Variants in LHX9 observed in about 807,000 individuals in gnomAD.
The protein encoded by LHX9 is LIM homeobox 9.
LHX9 carries 9 observed loss-of-function variants against 36.5 expected under a neutral mutation model. That is an observed-to-expected ratio of 0.25 (90% CI 0.15 to 0.43). LHX9 has a LOEUF of 0.43. Ranked by LOEUF, LHX9 falls within the 20% of genes least tolerant of loss-of-function variation. The pLI, the probability that LHX9 is intolerant of heterozygous loss-of-function variation, is 1.00. For synonymous variants in LHX9, 211 were observed against 212.1 expected, an observed-to-expected ratio of 0.99 and a Z score of 0.04; for missense variants, 464 against 526.4, an observed-to-expected ratio of 0.88 and a Z score of 1.16.
At position 197,921,625 on chromosome 1, in the gene LHX9, A is replaced by C; in HGVS notation, c.699A>C (p.Pro233=). ...QKGRPRKRKS[P]ALGVDIVNYN... ...GGCGGCCCCGGAAGCGGAAGAGCCC[A>C]GCGCTGGGAGTGGACATCGTCAATT... Residue 233 remains proline, a synonymous_variant, in exon 3 of 5, where the codon CCA becomes CCC. Coordinates refer to ENST00000367387, the MANE Select transcript of LHX9 (RefSeq NM_020204.3). This position sits in a 1 kb window ranked among gnomAD's most constrained non-coding sequence, Gnocchi z 4.6. 6.3e-7 allele frequency: 1 copy of C among 1,598,438 alleles called. No individual in the cohort carries two copies. The highest frequency in any genetic ancestry group is 1.7e-5 in the Admixed American group (1 of 59,828).
chr1:197,917,613 G>C lies in LHX9; in HGVS notation c.-211G>C, dbSNP rs996380683. ...TTGTTTTCTGCACATCTCCTTCAGG[G>C]AGCCGCTGAGGCTTCCCCCCAACTC... On this transcript the variant is annotated 5_prime_UTR_variant, in exon 1 of 5. Transcript: ENST00000367387. The C allele has an allele frequency of 6.6e-7, 1 of 1,511,650 alleles. No homozygotes were observed. The highest frequency in any genetic ancestry group is 8.8e-7 in the Non-Finnish European group (1 of 1,130,388). The allele number at this position is 1,511,650 out of a possible 1,614,324, so 93.6% of individuals were successfully genotyped here. A position where few individuals can be genotyped will look rare whatever the true frequency, so the allele number is the denominator to read the frequency against.
At chr1:197,913,828 T>A (rs915922925), upstream of LHX9, among the ~76,000 whole-genome samples, 1 of 152,228 alleles carries the variant, frequency 6.6e-6, no homozygotes, top group African/African-American at 2.4e-5. Context: ...CGCAGAATCA[T>A]GGCCTCCAAA....
Position 197,917,606 on chromosome 1 carries a change from C to G in LHX9, c.-218C>G. ...GAATTGTTTGTTTTCTGCACATCTCCTTCAGGGAGCCGCTGAGGCTTCCCC... is the reference window on the plus strand; with the variant it reads ...GAATTGTTTGTTTTCTGCACATCTCGTTCAGGGAGCCGCTGAGGCTTCCCC... On this transcript the variant is annotated 5_prime_UTR_variant, in exon 1 of 5. Transcript: ENST00000367387. 6.6e-7 allele frequency: 1 copy of G among 1,508,898 alleles called. No homozygotes were observed. 93.5% of individuals were successfully genotyped at this position (1,508,898 alleles called of 1,614,324 possible). A position where few individuals can be genotyped will look rare whatever the true frequency, so the allele number is the denominator to read the frequency against.
At chr1:197,914,281 A>T (rs2102587829), upstream of LHX9, among the ~76,000 whole-genome samples, 1 of 152,306 alleles carries the variant, frequency 6.6e-6, no homozygotes, top group Admixed American at 6.5e-5. Context: ...CTTATCCCCG[A>T]CGCAGGCTAG....
chr1:197,929,965 T>C lies in LHX9; in HGVS notation c.*706T>C, dbSNP rs1660281404. On this transcript the variant is annotated 3_prime_UTR_variant, in exon 5 of 5. Coordinates refer to ENST00000367387, the MANE Select transcript of LHX9 (RefSeq NM_020204.3). ...TATTTGTTTTTCAACATTTGAAAAA[T>C]ACTTAAGCTCCCTATGTATCCATGA... The C allele has an allele frequency of 1.0e-6, 1 of 984,374 alleles. No individual in the cohort carries two copies. The highest frequency in any genetic ancestry group is 4.7e-5 in the South Asian group (1 of 21,288). 61.0% of individuals were successfully genotyped at this position (984,374 alleles called of 1,614,324 possible).
In LHX9 at chr1:197,934,111, A is replaced by T. The variant is rs1433100890; in HGVS notation, c.*4852A>T. The T allele has an allele frequency of 2.0e-5, 3 of 152,118 alleles. No homozygotes were observed. The highest frequency in any genetic ancestry group is 3.9e-4 in the East Asian group (2 of 5,172). 9.4% of individuals were successfully genotyped at this position (152,118 alleles called of 1,614,324 possible). A position where few individuals can be genotyped will look rare whatever the true frequency, so the allele number is the denominator to read the frequency against. Reference sequence around the variant, plus strand: ...TTTTGATACCTCAAATAAGGATAAAACTCCATAATAAAGGACCCAAAGCAA... The same window carrying T: ...TTTTGATACCTCAAATAAGGATAAATCTCCATAATAAAGGACCCAAAGCAA... On this transcript the variant is annotated 3_prime_UTR_variant, in exon 5 of 5. Transcript: ENST00000367387.
At chr1:197,923,598 A>G (rs966463816) in intron 3 of LHX9, among the ~76,000 whole-genome samples, 4 of 152,056 alleles carry the variant, frequency 2.6e-5, no homozygotes, top group African/African-American at 9.7e-5. Context: ...AAAGTCCAGA[A>G]GGGTGAAGAT....
rs1660420335 is a variant in LHX9 at position 197,935,150 on chromosome 1, TG to T, written c.*5892del. ...ACTCCCTACTTGCAACATTCCTCTGTGAATATTAATATAGTTAACCCTCCCT... is the reference window on the plus strand; with the variant it reads ...ACTCCCTACTTGCAACATTCCTCTGTAATATTAATATAGTTAACCCTCCCT... On this transcript the variant is annotated 3_prime_UTR_variant, in exon 5 of 5. Coordinates refer to ENST00000367387, the MANE Select transcript of LHX9 (RefSeq NM_020204.3). 1 of 152,204 alleles carries T rather than the reference TG, an allele frequency of 6.6e-6. No individual in the cohort carries two copies. The highest frequency in any genetic ancestry group is 1.5e-5 in the Non-Finnish European group (1 of 68,030). 9.4% of individuals were successfully genotyped at this position (152,204 alleles called of 1,614,324 possible).
chr1:197,928,963 T>C (rs762377144), intron 4 of LHX9, 39 bp from the exon 5 acceptor site: 1 of 1,431,396 alleles, frequency 7.0e-7, no homozygotes, highest in Admixed American at 2.5e-5. Context: ...AATATAAAAA[T>C]GAACATCGGT....
chr1:197,921,182 GT>G lies in LHX9; in HGVS notation c.378-121del, dbSNP rs1420289996. On this transcript the variant is annotated intron_variant, in intron 2 of 4. Coordinates refer to ENST00000367387, the MANE Select transcript of LHX9 (RefSeq NM_020204.3). The surrounding 1 kb of genome is among the most constrained non-coding windows in gnomAD (Gnocchi z 4.6). ...AAATAAAATTAATGCCTACTCTCCT[GT>G]CCCCCTGGAACCCTCCCAGGTCCCA... 1.0e-5 allele frequency: 7 copies of G among 670,510 alleles called. No individual in the cohort carries two copies. The East Asian group carries it at 1.9e-4, about 18-fold the overall frequency. The allele number at this position is 670,510 out of a possible 1,614,324, so 41.5% of individuals were successfully genotyped here.
chr1:197,922,818 T>C (rs922915123), intron 3 of LHX9, among the ~76,000 whole-genome samples: 1 of 152,132 alleles, frequency 6.6e-6, no homozygotes, highest in Admixed American at 6.5e-5. Context: ...ATACCAAGCA[T>C]GGGCATCTCA....
intron 3 of LHX9, 102 bp from the exon 4 acceptor site, chr1:197,927,489 A>C: frequency 1.0e-6 from 1 of 973,832 alleles, no homozygotes; most frequent in Non-Finnish European, 1.6e-6. Flanking sequence ...AACCTTTTTC[A>C]CTGCTGCTTT....
In LHX9 at chr1:197,917,913, C is replaced by A. The variant is rs771927350; in HGVS notation, c.90C>A (p.Ile30=). 10 of 1,614,228 alleles carry A rather than the reference C, an allele frequency of 6.2e-6. No individual in the cohort carries two copies. The East Asian group carries it at 2.2e-4, about 36-fold the overall frequency. Reference sequence around the variant, plus strand: ...TTCACGGGATCTCCGGAGGCCACATCCAAGGCATCATGGAGGAGATGGAGC... The same window carrying A: ...TTCACGGGATCTCCGGAGGCCACATACAAGGCATCATGGAGGAGATGGAGC... ...MLFHGISGGH[I]QGIMEEMERR... is the part of the protein sequence containing the mutation. Residue 30 remains isoleucine (I), a synonymous_variant, in exon 1 of 5, where the codon ATC becomes ATA. Coordinates refer to ENST00000367387, the MANE Select transcript of LHX9 (RefSeq NM_020204.3).
upstream of LHX9, chr1:197,912,512 C>T (rs765021938): frequency 1.2e-6 from 2 of 1,614,030 alleles, no homozygotes; most frequent in Non-Finnish European, 1.7e-6. Context: ...ACGGCGTGAT[C>T]CACTCCTTTT....
upstream of LHX9, chr1:197,917,149 AG>A (rs145506120): frequency 9.8e-3 from 6,430 of 655,860 alleles, 373 homozygotes; most frequent in African/African-American, 0.12. Flanking sequence ...TTTTGTGGGG[AG>A]GTAAATGCCC....
At chr1:197,913,871 G>A (rs1175245089), upstream of LHX9, among the ~76,000 whole-genome samples, 2 of 152,182 alleles carry the variant, frequency 1.3e-5, no homozygotes, top group African/African-American at 4.8e-5. Context: ...AGTCACCTTT[G>A]CTCTCAAAAT....
upstream of LHX9, among the ~76,000 whole-genome samples, chr1:197,914,279 C>T (rs184431489): frequency 6.6e-6 from 1 of 152,264 alleles, no homozygotes; most frequent in African/African-American, 2.4e-5. Context: ...ATCTTATCCC[C>T]GACGCAGGCT....
intron 4 of LHX9, among the ~76,000 whole-genome samples, chr1:197,928,714 C>A (rs1381136497): frequency 6.6e-6 from 1 of 151,854 alleles, no homozygotes; most frequent in African/African-American, 2.4e-5. Context: ...ATGGTATATC[C>A]ACTTAAGCAT....
At position 197,921,415 on chromosome 1, in the gene LHX9, T is replaced by C; in HGVS notation, c.489T>C (p.Thr163=). 1 of 1,614,176 alleles carries C rather than the reference T, an allele frequency of 6.2e-7. No homozygotes were observed. The highest frequency in any genetic ancestry group is 8.5e-7 in the Non-Finnish European group (1 of 1,180,040). ...VYHLSCFTCS[T]CNKTLTTGDH... is the part of the protein sequence containing the mutation. ...ACCTGAGCTGCTTCACCTGCTCCAC[T>C]TGCAACAAGACTCTGACCACGGGCG... Residue 163 remains threonine, a synonymous_variant, in exon 3 of 5, where the codon ACT becomes ACC. Transcript: ENST00000367387. The surrounding 1 kb of genome is among the most constrained non-coding windows in gnomAD (Gnocchi z 4.6).
Sources: gnomAD v4.1 joint callset for allele counts (sites outside exome capture counted in the v4.1 genomes callset) on GRCh38, gnomAD v4.1.1 for gene constraint, Gnocchi (gnomAD v3.1) non-coding constraint, MANE v1.5 for transcripts, NCBI Gene and HGNC (gene_info 2026-07-23, HGNC 2026-07-21) for gene names.